The following TRIM24 variants were observed in gnomAD, a reference collection of about 807,000 sequenced individuals.
The protein encoded by TRIM24 is transcription intermediary factor 1-alpha.
TRIM24 carries 29 observed loss-of-function variants against 123.9 expected under a neutral mutation model. The ratio of observed to expected loss-of-function variants is 0.23; its 90% CI spans 0.17 to 0.32. The LOEUF is 0.32. Among genes scored for constraint, TRIM24 ranks in the 10% least tolerant of loss-of-function variants. TRIM24 has a pLI of 1.00. For synonymous variants in TRIM24, 456 were observed against 461.1 expected (o/e 0.99, Z 0.14); for missense variants, 932 against 1,295.3 (o/e 0.72, Z 4.31).
intron 6 of TRIM24, among the ~76,000 whole-genome samples, chr7:138,537,315 G>A (rs1186959039): frequency 1.3e-5 from 2 of 150,318 alleles, no homozygotes; most frequent in African/African-American, 4.9e-5. Flanking sequence ...CTCACGCTGG[G>A]AGCTGTAGAC....
intron 16 of TRIM24, among the ~76,000 whole-genome samples, 179 bp from the exon 17 acceptor site, chr7:138,581,518 G>A (rs755321783): frequency 4.6e-5 from 7 of 152,062 alleles, no homozygotes; most frequent in Non-Finnish European, 5.9e-5. Context: ...CAATTACAGG[G>A]CCTGTTCCCA....
At chr7:138,516,779 A>G (rs1043193220) in intron 3 of TRIM24, among the ~76,000 whole-genome samples, 4 of 151,724 alleles carry the variant, frequency 2.6e-5, no homozygotes, top group Non-Finnish European at 5.9e-5. Context: ...TCATCCATGT[A>G]ATAGCATGTA....
At chr7:138,465,218 G>A (rs954839119) in intron 1 of TRIM24, among the ~76,000 whole-genome samples, 1 of 152,196 alleles carries the variant, frequency 6.6e-6, no homozygotes, top group African/African-American at 2.4e-5. Context: ...CAGGCTACAT[G>A]TTGGAAGGAA....
intron 1 of TRIM24, among the ~76,000 whole-genome samples, chr7:138,481,059 C>T (rs1563026213): frequency 1.3e-5 from 2 of 151,954 alleles, no homozygotes. Flanking sequence ...ATGGTGTGAT[C>T]TCAGCTTGCT....
chr7:138,478,490 T>A (rs1795453324), intron 1 of TRIM24, among the ~76,000 whole-genome samples: 1 of 152,136 alleles, frequency 6.6e-6, no homozygotes, highest in African/African-American at 2.4e-5. Flanking sequence ...TATTTATTTA[T>A]TTTTGAGGCA....
chr7:138,463,709 A>G (rs899063437), intron 1 of TRIM24, among the ~76,000 whole-genome samples: 3 of 152,154 alleles, frequency 2.0e-5, no homozygotes, highest in African/African-American at 2.4e-5. Context: ...GTGATTCCAT[A>G]CTTCTCAAAA....
At chr7:138,507,560 T>C (rs142378739) in intron 2 of TRIM24, among the ~76,000 whole-genome samples, 2,347 of 151,924 alleles carry the variant, frequency 0.015, 34 homozygotes, top group Non-Finnish European at 0.024. Context: ...TGACCTCAGG[T>C]GGTCCACCCA....
intron 9 of TRIM24, chr7:138,556,260 T>C (rs1282648820): frequency 6.6e-6 from 1 of 152,212 alleles, no homozygotes. Flanking sequence ...TTCTACTCTT[T>C]ACCTACAGAA....
intron 6 of TRIM24, among the ~76,000 whole-genome samples, chr7:138,532,302 C>G (rs1365353676): frequency 3.3e-5 from 5 of 152,042 alleles, no homozygotes; most frequent in African/African-American, 4.8e-5. Flanking sequence ...TGCCTATTTC[C>G]TGAATGGTAT....
At chr7:138,516,946 A>C (rs1365188053) in intron 3 of TRIM24, among the ~76,000 whole-genome samples, 4 of 151,794 alleles carry the variant, frequency 2.6e-5, no homozygotes, top group Non-Finnish European at 1.5e-5. Context: ...CTATCTACAA[A>C]AAAAAATTAG....
chr7:138,527,906 G>A (rs1446212261), intron 5 of TRIM24, among the ~76,000 whole-genome samples: 1 of 151,622 alleles, frequency 6.6e-6, no homozygotes, highest in Non-Finnish European at 1.5e-5. Context: ...AACAAAGGCT[G>A]GGCCTAGAAC....
At position 138,476,368 on chromosome 7, in the gene TRIM24, G is replaced by A. The variant is rs147893377; in HGVS notation, c.364+15456G>A. 1.9e-3 allele frequency among the ~76,000 whole-genome samples: 294 copies of A among 152,304 alleles called. 9 individuals carry two copies. In the East Asian group the frequency reaches 0.05, roughly 26 times the overall value. On this transcript the variant is annotated intron_variant, in intron 1 of 18. Transcript: ENST00000343526. ...CCAGCACTTTGGGAGGCCAAGGTGG[G>A]TGGATCATGAGGTCAGGAGTCCGAG... is the stretch of plus-strand genomic sequence containing the variant.
At chr7:138,557,175 C>T (rs912158036) in intron 9 of TRIM24, among the ~76,000 whole-genome samples, 10 of 152,174 alleles carry the variant, frequency 6.6e-5, no homozygotes, top group Non-Finnish European at 1.5e-4. Context: ...CCTTTGGGCT[C>T]TGGCTTTCCA....
At chr7:138,473,949 A>G (rs1795336321) in intron 1 of TRIM24, among the ~76,000 whole-genome samples, 1 of 151,126 alleles carries the variant, frequency 6.6e-6, no homozygotes, top group Non-Finnish European at 1.5e-5. Flanking sequence ...TTTTATTTTT[A>G]TTGTAGAGAC....
rs1318956011 is a variant in TRIM24 at position 138,589,967 on chromosome 7, A to G, written c.*5016A>G. 6.6e-6 allele frequency: 1 copy of G among 152,180 alleles called. No homozygotes were observed. Among genetic ancestry groups the G allele is most frequent in the African/African-American group, 2.4e-5 (1 of 41,458 alleles). 9.4% of individuals were successfully genotyped at this position (152,180 alleles called of 1,614,324 possible). On this transcript the variant is annotated 3_prime_UTR_variant, in exon 19 of 19. Transcript: ENST00000343526. ...TTTCCTTGTTAGTTGCAAGTTAAAC[A>G]TTTAATAAAATTATTTTCCCACGTT...
At chr7:138,528,788 C>T (rs1387670029) in intron 5 of TRIM24, among the ~76,000 whole-genome samples, 7 of 108,282 alleles carry the variant, frequency 6.5e-5, no homozygotes, top group East Asian at 3.4e-4. Context: ...CCCCCACCCC[C>T]CCCCCCATCC....
chr7:138,573,645 A>G lies in TRIM24; in HGVS notation c.2014+3A>G. On this transcript the variant is annotated splice_donor_region_variant and intron_variant, in intron 12 of 18. Coordinates refer to ENST00000343526, the MANE Select transcript of TRIM24 (RefSeq NM_015905.3). ...AGTGCCATCTCCAGGCCTTGCAGGT[A>G]AAGTGGGCTTCTTTTGATTTTTGTG... The G allele has an allele frequency of 6.3e-7, 1 of 1,594,920 alleles. No homozygotes were observed. Among genetic ancestry groups the G allele is most frequent in the Non-Finnish European group, 8.5e-7 (1 of 1,175,108 alleles).
chr7:138,497,555 C>T (rs1032954636), intron 1 of TRIM24, among the ~76,000 whole-genome samples: 1 of 151,594 alleles, frequency 6.6e-6, no homozygotes, highest in Non-Finnish European at 1.5e-5. Flanking sequence ...CCACCATGTA[C>T]AGCTAATTTT....
chr7:138,554,930 G>A lies in TRIM24; in HGVS notation c.1494G>A (p.Met498Ile). ...CTGTGGGTTTACCAAACCCTAGAAT[G>A]CAGGGGCCCATCCAGCAACCTTCCA... is the stretch of plus-strand genomic sequence containing the variant. ...PAPVGLPNPR[M>I]QGPIQQPSIS... Residue 498 changes from methionine to isoleucine, a missense_variant, in exon 9 of 19, where the codon ATG becomes ATA. Met to Ile is a conservative substitution (Grantham distance 10, BLOSUM62 1). Transcript: ENST00000343526. This position sits in a 1 kb window ranked among gnomAD's most constrained non-coding sequence, Gnocchi z 4.5. 1 of 1,614,136 alleles carries A rather than the reference G, an allele frequency of 6.2e-7. No homozygotes were observed. Among genetic ancestry groups the A allele is most frequent in the Non-Finnish European group, 8.5e-7 (1 of 1,179,988 alleles).
Sources: allele counts gnomAD v4.1 joint callset (sites outside exome capture counted in the v4.1 genomes callset), GRCh38; gene constraint gnomAD v4.1.1; non-coding constraint Gnocchi (gnomAD v3.1); transcripts MANE v1.5; gene names NCBI Gene and HGNC (gene_info 2026-07-23, HGNC 2026-07-21).